Variants in PTPN22 observed in about 807,000 individuals in gnomAD.
PTPN22 encodes protein tyrosine phosphatase non-receptor type 22.
PTPN22 carries 85 observed loss-of-function variants against 103.3 expected under a neutral mutation model. The ratio of observed to expected loss-of-function variants is 0.82; its 90% CI spans 0.69 to 0.99. The LOEUF is 0.99. Among genes scored for constraint, PTPN22 ranks in the 50% least tolerant of loss-of-function variants. PTPN22 has a pLI of 0.00. For missense variants in PTPN22, 865 were observed against 936.9 expected, an observed-to-expected ratio of 0.92 and a Z score of 1.00; for synonymous variants, 323 against 310.2, an observed-to-expected ratio of 1.04 and a Z score of -0.43.
In PTPN22 at chr1:113,850,152, G is replaced by A. The variant is rs1020873918; in HGVS notation, c.829-1526C>T. On this transcript the variant is annotated intron_variant, in intron 10 of 20. Transcript: ENST00000359785. ...GCAGAAGTTGCAGTGAGCCAAGATC[G>A]CACCATTGCACTCCAGCCTGAGTGA... Among the ~76,000 whole-genome samples the A allele has an allele frequency of 9.3e-5, 14 of 150,586 alleles. No homozygotes were observed. In the South Asian group the frequency reaches 1.9e-3, roughly 20 times the overall value.
At chr1:113,854,432 G>C in intron 9 of PTPN22, 39 bp downstream of exon 9, 1 of 1,546,962 alleles carries the variant, frequency 6.5e-7, no homozygotes, top group Non-Finnish European at 8.9e-7. Context: ...GAAAGCAGTA[G>C]ACTAAGCAAA....
intron 13 of PTPN22, among the ~76,000 whole-genome samples, chr1:113,835,549 G>A (rs1662927114): frequency 6.6e-6 from 1 of 151,920 alleles, no homozygotes; most frequent in Non-Finnish European, 1.5e-5. Flanking sequence ...ATAAATAAAA[G>A]CTCAAAAACA....
intron 20 of PTPN22, among the ~76,000 whole-genome samples, chr1:113,816,378 A>T (rs1661148329): frequency 1.3e-5 from 2 of 149,758 alleles, no homozygotes; most frequent in Admixed American, 6.7e-5. Flanking sequence ...CAGGAGGCTG[A>T]GGTGGGCAAA....
At chr1:113,842,207 C>T (rs1464792393) in intron 11 of PTPN22, among the ~76,000 whole-genome samples, 1 of 151,156 alleles carries the variant, frequency 6.6e-6, no homozygotes, top group Non-Finnish European at 1.5e-5. Flanking sequence ...AAGACCCTGA[C>T]TAAAAAAAAA....
intron 11 of PTPN22, among the ~76,000 whole-genome samples, chr1:113,842,640 C>CT (rs1184811087): frequency 8.6e-5 from 13 of 152,032 alleles, no homozygotes; most frequent in African/African-American, 3.1e-4. Flanking sequence ...CGCCACTGCA[C>CT]TCCAGCCTGG....
rs749361984 is a variant in PTPN22 at position 113,837,785 on chromosome 1, AT to A, written c.1614del (p.Ser539HisfsTer48). On this transcript the variant is annotated frameshift_variant, in exon 13 of 21. Coordinates refer to ENST00000359785, the Ensembl canonical transcript of PTPN22. LOFTEE classifies it high-confidence loss of function. ...GAACTGGTACCACTTGGAGGCCATG[AT>A]GAAAAATAAGGATTTTCCACTAAAG... The A allele has an allele frequency of 1.2e-6, 2 of 1,613,938 alleles. No individual in the cohort carries two copies. The highest frequency in any genetic ancestry group is 1.7e-6 in the Non-Finnish European group (2 of 1,179,806).
chr1:113,851,998 T>C (rs778597432), intron 10 of PTPN22, 29 bp downstream of exon 10: 3 of 1,531,080 alleles, frequency 2.0e-6, no homozygotes, highest in Admixed American at 3.4e-5. Flanking sequence ...CTCAGACACA[T>C]GTTCTGATCC....
At chr1:113,848,469 C>G in intron 11 of PTPN22, 71 bp downstream of exon 11, 2 of 1,602,012 alleles carry the variant, frequency 1.2e-6, no homozygotes, top group Non-Finnish European at 1.7e-6. Flanking sequence ...AATCCTGCAA[C>G]AAATCTGACA....
exon 13 of PTPN22, chr1:113,837,598 G>A (rs1663129328): frequency 1.3e-6 from 2 of 1,566,894 alleles, no homozygotes; most frequent in African/African-American, 2.7e-5. Flanking sequence ...ACCTAGTACA[G>A]CTGACTCCTG....
chr1:113,850,064 A>G (rs1467855405), intron 10 of PTPN22, among the ~76,000 whole-genome samples: 2 of 151,910 alleles, frequency 1.3e-5, no homozygotes, highest in Non-Finnish European at 2.9e-5. Context: ...GGGCATGGTG[A>G]TGCGTGCCTG....
intron 19 of PTPN22, 86 bp from the exon 20 acceptor site, chr1:113,819,740 T>A: frequency 1.3e-6 from 1 of 796,976 alleles, no homozygotes; most frequent in South Asian, 3.0e-5. Flanking sequence ...TTGTTAAGAG[T>A]AATTAATAAT....
At chr1:113,868,615 C>T (rs1666313640) in intron 1 of PTPN22, among the ~76,000 whole-genome samples, 1 of 152,126 alleles carries the variant, frequency 6.6e-6, no homozygotes, top group East Asian at 1.9e-4. Context: ...AGTGAGGTTA[C>T]ACTTAATCAC....
intron 19 of PTPN22, among the ~76,000 whole-genome samples, chr1:113,822,189 A>C (rs921834430): frequency 2.6e-5 from 4 of 152,176 alleles, no homozygotes; most frequent in Non-Finnish European, 5.9e-5. Flanking sequence ...AAGTCAGCTT[A>C]AGTTAGGTTT....
At chr1:113,838,736 C>A (rs1663251760) in intron 11 of PTPN22, 116 bp from the exon 12 acceptor site, 2 of 1,422,088 alleles carry the variant, frequency 1.4e-6, no homozygotes, top group South Asian at 1.6e-5. Flanking sequence ...TAAAATAATT[C>A]ATGAAAGAGT....
intron 19 of PTPN22, 47 bp from the exon 20 acceptor site, chr1:113,819,701 CA>C: frequency 7.7e-7 from 1 of 1,299,648 alleles, no homozygotes; most frequent in South Asian, 1.3e-5. Flanking sequence ...AAGACAGACT[CA>C]GATGACTGTT....
chr1:113,837,243 A>G (rs1429820249), intron 13 of PTPN22, among the ~76,000 whole-genome samples: 5 of 152,184 alleles, frequency 3.3e-5, no homozygotes, highest in Non-Finnish European at 5.9e-5. Context: ...CGAAGTCAAG[A>G]GATCAAGACC....
At chr1:113,845,247 A>G (rs1253199332) in intron 11 of PTPN22, among the ~76,000 whole-genome samples, 1 of 146,654 alleles carries the variant, frequency 6.8e-6, no homozygotes, top group Non-Finnish European at 1.5e-5. Flanking sequence ...GCCAGGCTGG[A>G]GTGCAGTGAT....
At chr1:113,867,922 T>A (rs968736546) in intron 1 of PTPN22, among the ~76,000 whole-genome samples, 1 of 152,242 alleles carries the variant, frequency 6.6e-6, no homozygotes, top group African/African-American at 2.4e-5. Context: ...AATCTGTGGA[T>A]GCTCAAGTCC....
intron 1 of PTPN22, 68 bp from the exon 2 acceptor site, chr1:113,859,528 C>G (rs1665387013): frequency 7.8e-7 from 1 of 1,283,566 alleles, no homozygotes; most frequent in Non-Finnish European, 1.1e-6. Flanking sequence ...CTCTAAAGAG[C>G]TTTCCTTTTC....
Sources: gnomAD v4.1 joint callset for allele counts (sites outside exome capture counted in the v4.1 genomes callset) on GRCh38, gnomAD v4.1.1 for gene constraint, MANE v1.5 for transcripts, NCBI Gene and HGNC (gene_info 2026-07-23, HGNC 2026-07-21) for gene names.